The following ANKHD1 variants were observed in gnomAD, a reference collection of about 807,000 sequenced individuals.
ANKHD1 encodes ankyrin repeat and KH domain-containing protein 1.
In ANKHD1, 31 loss-of-function variants were observed where a neutral mutation model predicts 230.5. The observed-to-expected ratio is 0.13, with a 90% CI of 0.10 to 0.18. ANKHD1 has a LOEUF of 0.18. Among genes scored for constraint, ANKHD1 ranks in the 10% least tolerant of loss-of-function variants. ANKHD1 has a pLI of 1.00. For synonymous variants in ANKHD1, 1,074 were observed against 1,117.6 expected (o/e 0.96, Z 0.78); for missense variants, 2,256 against 3,071.3 (o/e 0.73, Z 6.27).
In ANKHD1 at chr5:140,539,358, G is replaced by T; in HGVS notation, c.7570-1G>T. ...TTCCAATTTTTCCTCCCCCTTTTCAGATTTGGCCTGGCACGTGGGCACCTC... is the reference window on the plus strand; with the variant it reads ...TTCCAATTTTTCCTCCCCCTTTTCATATTTGGCCTGGCACGTGGGCACCTC... On this transcript the variant is annotated splice_acceptor_variant, in intron 33 of 33. Coordinates refer to ENST00000360839, the MANE Select transcript of ANKHD1 (RefSeq NM_017747.3). LOFTEE classifies it high-confidence loss of function. 1 of 1,613,298 alleles carries T rather than the reference G, an allele frequency of 6.2e-7. No homozygotes were observed. The highest frequency in any genetic ancestry group is 8.5e-7 in the Non-Finnish European group (1 of 1,179,762).
intron 1 of ANKHD1, among the ~76,000 whole-genome samples, chr5:140,429,076 A>G (rs997748309): frequency 1.3e-4 from 18 of 139,746 alleles, no homozygotes; most frequent in Admixed American, 3.6e-4. Flanking sequence ...ATAAGCTACC[A>G]TGCCCGGCCT....
intron 1 of ANKHD1, among the ~76,000 whole-genome samples, chr5:140,430,752 G>A (rs1406349569): frequency 6.6e-6 from 1 of 150,748 alleles, no homozygotes; most frequent in African/African-American, 2.5e-5. Context: ...TCAACCTCCT[G>A]GGCTCAGGCG....
chr5:140,482,756 T>C, intron 11 of ANKHD1, 89 bp downstream of exon 11: 1 of 1,377,718 alleles, frequency 7.3e-7, no homozygotes, highest in Admixed American at 2.0e-5. Context: ...TATGGCTACT[T>C]TACCTACAGT....
Position 140,504,877 on chromosome 5 carries a change from C to G in ANKHD1, c.3061C>G (p.Leu1021Val). 6.2e-7 allele frequency: 1 copy of G among 1,614,188 alleles called. No homozygotes were observed. Among genetic ancestry groups the G allele is most frequent in the Non-Finnish European group, 8.5e-7 (1 of 1,180,032 alleles). ...SNSSSQTTEC[L>V]TPESCSQTTS... ...CAGTTCTTCTCAGACCACAGAGTGTCTTACACCTGAATCCTGTTCGCAGAC... is the reference window on the plus strand; with the variant it reads ...CAGTTCTTCTCAGACCACAGAGTGTGTTACACCTGAATCCTGTTCGCAGAC... The change falls in exon 16 of 34, where the codon CTT becomes GTT. Residue 1021 changes from leucine to valine, a missense_variant. Coordinates refer to ENST00000360839, the MANE Select transcript of ANKHD1 (RefSeq NM_017747.3).
chr5:140,469,733 C>T (rs991065310), intron 10 of ANKHD1, among the ~76,000 whole-genome samples: 1 of 151,992 alleles, frequency 6.6e-6, no homozygotes, highest in African/African-American at 2.4e-5. Flanking sequence ...ATAGAATTTT[C>T]ATGAGTTATT....
At chr5:140,526,470 A>G (rs1369890308) in intron 26 of ANKHD1, 27 bp downstream of exon 26, 1 of 1,572,356 alleles carries the variant, frequency 6.4e-7, no homozygotes, top group Non-Finnish European at 8.6e-7. Context: ...TGTTAACTCT[A>G]CCTGCACCTT....
At chr5:140,424,217 T>TAGAGAG (rs1298029039) in intron 1 of ANKHD1, among the ~76,000 whole-genome samples, 2 of 144,898 alleles carry the variant, frequency 1.4e-5, no homozygotes, top group African/African-American at 5.0e-5. Context: ...ACTATATATA[T>TAGAGAG]ATAGAGAGAG....
At chr5:140,428,443 G>T (rs1050210602) in intron 1 of ANKHD1, among the ~76,000 whole-genome samples, 2 of 152,014 alleles carry the variant, frequency 1.3e-5, no homozygotes, top group Non-Finnish European at 1.5e-5. Flanking sequence ...AGACCAGCCC[G>T]GCCAACACAG....
At chr5:140,447,270 A>G (rs1471197514) in intron 6 of ANKHD1, among the ~76,000 whole-genome samples, 1 of 151,914 alleles carries the variant, frequency 6.6e-6, no homozygotes, top group African/African-American at 2.4e-5. Context: ...TGGCACTGTC[A>G]TAGCTCACTG....
chr5:140,452,652 A>T (rs1197550131), intron 7 of ANKHD1, among the ~76,000 whole-genome samples: 1 of 152,220 alleles, frequency 6.6e-6, no homozygotes, highest in Non-Finnish European at 1.5e-5. Context: ...CCTGCAGCTG[A>T]GGGTCCTGAC....
Position 140,527,951 on chromosome 5 carries a change from G to A in ANKHD1, c.5166G>A (p.Gln1722=). ...GRGGCNITAI[Q]DVTGAHIDVD... is the part of the protein sequence containing the mutation. ...GAGGATGCAACATCACTGCAATACA[G>A]GATGTTACTGGTGCCCATATTGATG... The change falls in exon 28 of 34, where the codon CAG becomes CAA. Residue 1722 remains glutamine, a synonymous_variant. Coordinates refer to ENST00000360839, the MANE Select transcript of ANKHD1 (RefSeq NM_017747.3). The surrounding 1 kb of genome is among the most constrained non-coding windows in gnomAD (Gnocchi z 4.5). 4 of 1,613,914 alleles carry A rather than the reference G, an allele frequency of 2.5e-6. No individual in the cohort carries two copies. The highest frequency in any genetic ancestry group is 3.4e-6 in the Non-Finnish European group (4 of 1,179,908).
Position 140,528,948 on chromosome 5 carries a change from C to A in ANKHD1, c.6002C>A (p.Thr2001Asn), listed in dbSNP as rs1210748019. The change falls in exon 29 of 34, where the codon ACC becomes AAC. Residue 2001 changes from threonine to asparagine, a missense_variant. By Grantham distance (65) the Thr-to-Asn change is moderately conservative. Around this residue, in one of 13 missense-constraint regions of ANKHD1, gnomAD observed 778 missense variants for 966.5 expected, o/e 0.80. Coordinates refer to ENST00000360839, the MANE Select transcript of ANKHD1 (RefSeq NM_017747.3). ...SAPITSGQAP[T>N]TFLPASTSQA... The stretch of plus-strand genomic sequence containing the variant: ...CCTATCACTAGCGGGCAAGCTCCCA[C>A]CACATTTCTACCTGCAAGTACTTCT... 1.9e-6 allele frequency: 3 copies of A among 1,614,230 alleles called. No individual in the cohort carries two copies. The South Asian group carries it at 3.3e-5, about 18-fold the overall frequency.
chr5:140,514,186 T>C (rs1235449144), intron 24 of ANKHD1, among the ~76,000 whole-genome samples: 1 of 119,560 alleles, frequency 8.4e-6, no homozygotes, highest in Non-Finnish European at 1.8e-5. Flanking sequence ...TCTCTCTCTA[T>C]TAAAAAAAAA....
At position 140,476,082 on chromosome 5, in the gene ANKHD1, GT is replaced by G. The variant is rs560477814; in HGVS notation, c.1783-6494del. Among the ~76,000 whole-genome samples, 394 of 152,148 alleles carry G rather than the reference GT, an allele frequency of 2.6e-3. 1 individual carries two copies. The highest frequency in any genetic ancestry group is 0.014 in the Middle Eastern group (4 of 294). On this transcript the variant is annotated intron_variant, in intron 10 of 33. Coordinates refer to ENST00000360839, the MANE Select transcript of ANKHD1 (RefSeq NM_017747.3). ...AGGTGGATATAAAATAAAACTAAAA[GT>G]TTTGGGGGGTAACCTCAATATATAG...
chr5:140,424,249 CAGAGATAGAGAT>C (rs759700757), intron 1 of ANKHD1, among the ~76,000 whole-genome samples: 1 of 151,292 alleles, frequency 6.6e-6, no homozygotes, highest in Non-Finnish European at 1.5e-5. Context: ...GAGACAGAGA[CAGAGATAGAGAT>C]GTATCACACA....
chr5:140,470,555 A>C (rs1776414325), intron 10 of ANKHD1, among the ~76,000 whole-genome samples: 1 of 127,340 alleles, frequency 7.9e-6, no homozygotes, highest in Non-Finnish European at 1.7e-5. Context: ...TTTCTTCTGC[A>C]TTGTGTCTTA....
At chr5:140,407,822 A>G (rs890792086) in intron 1 of ANKHD1, among the ~76,000 whole-genome samples, 1 of 152,106 alleles carries the variant, frequency 6.6e-6, no homozygotes, top group Non-Finnish European at 1.5e-5. Context: ...GTAAGAATGA[A>G]TGTGTGTGTA....
intron 4 of ANKHD1, 94 bp from the exon 5 acceptor site, chr5:140,440,897 ATTCT>A: frequency 7.5e-7 from 1 of 1,331,978 alleles, no homozygotes; most frequent in East Asian, 2.9e-5. Context: ...TCCCACCCCT[ATTCT>A]AGAAGAATAT....
Position 140,503,553 on chromosome 5 carries a change from CTTTTTTTTTTTTTTTTT to C in ANKHD1, c.3005-1252_3005-1236del, listed in dbSNP as rs70988767. On this transcript the variant is annotated intron_variant, in intron 15 of 33. Coordinates refer to ENST00000360839, the MANE Select transcript of ANKHD1 (RefSeq NM_017747.3). ...AATTTCTTTTAACTCAGTTTTCTTT[CTTTTTTTTTTTTTTTTT>C]TTTTTTTTTTTTTTTGAGATGGAGT... 3.2e-3 allele frequency among the ~76,000 whole-genome samples: 162 copies of C among 51,428 alleles called. 1 individual carries two copies. The highest frequency in any genetic ancestry group is 0.013 in the African/African-American group (154 of 11,460). 33.7% of individuals were successfully genotyped at this position (51,428 alleles called of 152,430 possible). A position where few individuals can be genotyped will look rare whatever the true frequency, so the allele number is the denominator to read the frequency against.
Sources: allele counts gnomAD v4.1 joint callset (sites outside exome capture counted in the v4.1 genomes callset), GRCh38; gene constraint gnomAD v4.1.1; regional missense constraint gnomAD v4.1.1; non-coding constraint Gnocchi (gnomAD v3.1); transcripts MANE v1.5; gene names NCBI Gene and HGNC (gene_info 2026-07-23, HGNC 2026-07-21).